The following PCDHGA11 variants were observed in gnomAD, a reference collection of about 807,000 sequenced individuals.
The protein encoded by PCDHGA11 is protocadherin gamma subfamily A, 11.
A neutral mutation model predicts 60.4 loss-of-function variants in PCDHGA11; 39 were observed. The observed-to-expected ratio is 0.65, with a 90% CI of 0.50 to 0.84. The LOEUF is 0.84. Among genes scored for constraint, PCDHGA11 ranks in the 40% least tolerant of loss-of-function variants. The pLI is 0.00. For synonymous variants in PCDHGA11, 533 were observed against 510.3 expected, an observed-to-expected ratio of 1.04 and a Z score of -0.60; for missense variants, 1,165 against 1,197.7, an observed-to-expected ratio of 0.97 and a Z score of 0.40.
At chr5:141,501,809 A>G (rs2099811165) in intron 2 of PCDHGA11, among the ~76,000 whole-genome samples, 1 of 152,176 alleles carries the variant, frequency 6.6e-6, no homozygotes, top group African/African-American at 2.4e-5. Flanking sequence ...ACCCAGCTTC[A>G]CATAATTGGC....
At chr5:141,460,134 T>TCAAAGA in intron 1 of PCDHGA11, among the ~76,000 whole-genome samples, 1 of 152,066 alleles carries the variant, frequency 6.6e-6, no homozygotes, top group South Asian at 2.1e-4. Flanking sequence ...AATATATATA[T>TCAAAGA]TCTTGATGTG....
intron 1 of PCDHGA11, among the ~76,000 whole-genome samples, chr5:141,458,557 G>A (rs1258900717): frequency 6.9e-6 from 1 of 143,954 alleles, no homozygotes; most frequent in Non-Finnish European, 1.5e-5. Context: ...TGTTTGTTTT[G>A]GTTTTGGGTT....
Position 141,423,042 on chromosome 5 carries a change from G to A in PCDHGA11, c.1815G>A (p.Leu605=). The A allele has an allele frequency of 6.2e-7, 1 of 1,614,220 alleles. No individual in the cohort carries two copies. The highest frequency in any genetic ancestry group is 8.5e-7 in the Non-Finnish European group (1 of 1,180,044). ...AAGATTCAGGCCAGAACGCCTGGCT[G>A]TCCTATCGCCTGCTTAAGGCCAGCG... ...VDKDSGQNAW[L]SYRLLKASEP... is the part of the protein sequence containing the mutation. Residue 605 remains leucine (L), a synonymous_variant, in exon 1 of 4, where the codon CTG becomes CTA. Coordinates refer to ENST00000398587, the MANE Select transcript of PCDHGA11 (RefSeq NM_018914.3).
intron 1 of PCDHGA11, among the ~76,000 whole-genome samples, chr5:141,448,796 T>G (rs1268643310): frequency 1.0e-4 from 15 of 150,106 alleles, no homozygotes; most frequent in Admixed American, 4.0e-4. Context: ...AAAAAAAAAA[T>G]TAGCCAGGCG....
At chr5:141,446,860 G>A (rs969206755) in intron 1 of PCDHGA11, among the ~76,000 whole-genome samples, 17 of 152,162 alleles carry the variant, frequency 1.1e-4, no homozygotes, top group African/African-American at 3.9e-4. Flanking sequence ...CTTCCTGATA[G>A]CTCTACACTG....
In PCDHGA11 at chr5:141,431,940, T is replaced by G; in HGVS notation, c.2433+8280T>G. ...ATCCAAGGAAATCTGCCCTTTAAAT[T>G]AGAAAAATCTTACGGAAATTACTAT... On this transcript the variant is annotated intron_variant, in intron 1 of 3. Coordinates refer to ENST00000398587, the MANE Select transcript of PCDHGA11 (RefSeq NM_018914.3). The surrounding 1 kb of genome is among the most constrained non-coding windows in gnomAD (Gnocchi z 4.8). 2 of 1,614,132 alleles carry G rather than the reference T, an allele frequency of 1.2e-6. No homozygotes were observed. Among genetic ancestry groups the G allele is most frequent in the Non-Finnish European group, 1.7e-6 (2 of 1,179,998 alleles).
At position 141,486,996 on chromosome 5, in the gene PCDHGA11, A is replaced by G; in HGVS notation, c.2434-7811A>G. ...TCAGGTTACAATGCTTGGGTTTCCT[A>G]TCAGCTCCTGGAGGCCCCAGATCCC... On this transcript the variant is annotated intron_variant, in intron 1 of 3. Coordinates refer to ENST00000398587, the MANE Select transcript of PCDHGA11 (RefSeq NM_018914.3). This position sits in a 1 kb window ranked among gnomAD's most constrained non-coding sequence, Gnocchi z 5.0. 6.2e-7 allele frequency: 1 copy of G among 1,614,152 alleles called. No individual in the cohort carries two copies. Among genetic ancestry groups the G allele is most frequent in the Non-Finnish European group, 8.5e-7 (1 of 1,180,032 alleles).
chr5:141,471,906 G>A (rs1376234079), intron 1 of PCDHGA11, among the ~76,000 whole-genome samples: 2 of 152,192 alleles, frequency 1.3e-5, no homozygotes, highest in African/African-American at 4.8e-5. Context: ...CTACAGACAA[G>A]CATGAGGGAA....
At chr5:141,496,617 A>G (rs2099769939) in intron 2 of PCDHGA11, among the ~76,000 whole-genome samples, 2 of 152,236 alleles carry the variant, frequency 1.3e-5, no homozygotes, top group Admixed American at 1.3e-4. Flanking sequence ...AAAAAGCAGC[A>G]GATCAAAAGG....
At chr5:141,478,487 A>G (rs1593917832) in intron 1 of PCDHGA11, 1 of 1,613,454 alleles carries the variant, frequency 6.2e-7, no homozygotes, top group South Asian at 1.1e-5. Flanking sequence ...CACGCTGCGG[A>G]GCTGTGATCC....
In PCDHGA11 at chr5:141,487,715, C is replaced by T. The variant is rs1209272301; in HGVS notation, c.2434-7092C>T. 2.5e-6 allele frequency: 4 copies of T among 1,582,708 alleles called. No individual in the cohort carries two copies. The highest frequency in any genetic ancestry group is 1.8e-5 in the Admixed American group (1 of 54,696). The stretch of plus-strand genomic sequence containing the variant: ...GAGTACTGGCCTCTCAGTAAGTGCC[C>T]ATAGTGATGTCACCATTTTTGTAAG... On this transcript the variant is annotated intron_variant, in intron 1 of 3. Transcript: ENST00000398587. This position sits in a 1 kb window ranked among gnomAD's most constrained non-coding sequence, Gnocchi z 5.0.
chr5:141,429,751 A>AT (rs2097241304), intron 1 of PCDHGA11, among the ~76,000 whole-genome samples: 1 of 152,110 alleles, frequency 6.6e-6, no homozygotes, highest in African/African-American at 2.4e-5. Flanking sequence ...CTTAGGGAGA[A>AT]TTTTTTCCCT....
At chr5:141,452,201 T>G (rs552947721) in intron 1 of PCDHGA11, among the ~76,000 whole-genome samples, 131 of 152,376 alleles carry the variant, frequency 8.6e-4, no homozygotes, top group Middle Eastern at 6.8e-3. Context: ...TTGTTTTAGA[T>G]GTTACCAATA....
chr5:141,476,483 G>T lies in PCDHGA11; in HGVS notation c.2434-18324G>T. On this transcript the variant is annotated intron_variant, in intron 1 of 3. Coordinates refer to ENST00000398587, the MANE Select transcript of PCDHGA11 (RefSeq NM_018914.3). The surrounding 1 kb of genome is among the most constrained non-coding windows in gnomAD (Gnocchi z 7.6). ...CCCGCTGGAGCTGTTCAGCGTGGAA[G>T]TGGTGATCCAGGACATCAACGACAA... 6.2e-7 allele frequency: 1 copy of T among 1,614,166 alleles called. No homozygotes were observed. The highest frequency in any genetic ancestry group is 8.5e-7 in the Non-Finnish European group (1 of 1,180,034).
chr5:141,447,356 C>T (rs1158878203), intron 1 of PCDHGA11, among the ~76,000 whole-genome samples: 4 of 152,000 alleles, frequency 2.6e-5, no homozygotes, highest in African/African-American at 9.7e-5. Context: ...TCAGGCTGGT[C>T]TCAAACTCCT....
Position 141,477,161 on chromosome 5 carries a change from G to A in PCDHGA11, c.2434-17646G>A, listed in dbSNP as rs761453939. On this transcript the variant is annotated intron_variant, in intron 1 of 3. Transcript: ENST00000398587. The surrounding 1 kb of genome is among the most constrained non-coding windows in gnomAD (Gnocchi z 4.9). ...GGAGGTTGTGGATGTGAATGACAAC[G>A]CCCCGGAGATCACAGTCACCTCCGT... 1.9e-6 allele frequency: 3 copies of A among 1,613,988 alleles called. No individual in the cohort carries two copies. The highest frequency in any genetic ancestry group is 2.7e-5 in the African/African-American group (2 of 74,904).
intron 1 of PCDHGA11, among the ~76,000 whole-genome samples, chr5:141,467,823 T>A (rs1225960296): frequency 1.3e-5 from 2 of 152,012 alleles, no homozygotes; most frequent in African/African-American, 2.4e-5. Flanking sequence ...CACACCAGGC[T>A]GATTTTTATA....
intron 1 of PCDHGA11, among the ~76,000 whole-genome samples, chr5:141,467,960 C>T (rs1303642319): frequency 6.6e-6 from 1 of 151,998 alleles, no homozygotes; most frequent in Non-Finnish European, 1.5e-5. Flanking sequence ...CACCCGGCTG[C>T]CAGAAAATTT....
chr5:141,421,736 G>A lies in PCDHGA11; in HGVS notation c.509G>A (p.Ser170Asn), dbSNP rs767237323. 5.3e-5 allele frequency: 86 copies of A among 1,613,810 alleles called. No individual in the cohort carries two copies. The highest frequency in any genetic ancestry group is 6.9e-5 in the Non-Finnish European group (82 of 1,179,858). ...DPDVGVNSLQSYQLSPNNYFS... is the reference protein window; with the variant it reads ...DPDVGVNSLQNYQLSPNNYFS... Reference sequence around the variant, plus strand: ...GATGTGGGCGTGAACTCCCTCCAGAGCTACCAGCTCAGCCCTAATAATTAC... The same window carrying A: ...GATGTGGGCGTGAACTCCCTCCAGAACTACCAGCTCAGCCCTAATAATTAC... Residue 170 changes from serine to asparagine, a missense_variant, in exon 1 of 4, where the codon AGC (serine) becomes AAC (asparagine). Transcript: ENST00000398587.
Sources: allele counts gnomAD v4.1 joint callset (sites outside exome capture counted in the v4.1 genomes callset), GRCh38; gene constraint gnomAD v4.1.1; non-coding constraint Gnocchi (gnomAD v3.1); transcripts MANE v1.5; gene names NCBI Gene and HGNC (gene_info 2026-07-23, HGNC 2026-07-21).